The following DRC11 variants were observed in gnomAD, a reference collection of about 807,000 sequenced individuals.
DRC11 encodes dynein regulatory complex subunit 11.
At chr2:236,476,854 T>C in the DRC11 span, among the ~76,000 whole-genome samples, 3 of 152,296 alleles carry the variant, frequency 2.0e-5, no homozygotes, top group South Asian at 4.1e-4. This position sits in a 1 kb window ranked among gnomAD's most constrained non-coding sequence, Gnocchi z 4.7. Flanking sequence ...CACCTAGGTA[T>C]GAAGCCCCAC....
chr2:236,380,607 CTCTT>C, the DRC11 span: 11 of 1,551,458 alleles, frequency 7.1e-6, no homozygotes, highest in East Asian at 4.9e-5. This position sits in a 1 kb window ranked among gnomAD's most constrained non-coding sequence, Gnocchi z 4.9. Flanking sequence ...TTGCCTTCTT[CTCTT>C]TCTTTTTGCC....
the DRC11 span, among the ~76,000 whole-genome samples, chr2:236,478,775 CATT>C: frequency 6.7e-6 from 1 of 148,964 alleles, no homozygotes; most frequent in Non-Finnish European, 1.5e-5. This position sits in a 1 kb window ranked among gnomAD's most constrained non-coding sequence, Gnocchi z 5.9. Flanking sequence ...ACCCCTTTAT[CATT>C]ATATAGTAGC....
chr2:236,380,619 G>A, the DRC11 span: 16 of 1,550,758 alleles, frequency 1.0e-5, no homozygotes, highest in Middle Eastern at 3.3e-4. The surrounding 1 kb of genome is among the most constrained non-coding windows in gnomAD (Gnocchi z 4.9). Context: ...CTTTCTTTTT[G>A]CCTTTCTTTC....
chr2:236,378,871 T>G, the DRC11 span, among the ~76,000 whole-genome samples: 1 of 152,090 alleles, frequency 6.6e-6, no homozygotes. Context: ...ACCAGCTGCT[T>G]CTTCGGCAGC....
chr2:236,433,322 T>C, the DRC11 span, among the ~76,000 whole-genome samples: 5 of 152,176 alleles, frequency 3.3e-5, no homozygotes, highest in Non-Finnish European at 5.9e-5. Context: ...TTCATTTGGA[T>C]CATATTATGT....
At chr2:236,320,492 C>T in the DRC11 span, among the ~76,000 whole-genome samples, 1 of 152,164 alleles carries the variant, frequency 6.6e-6, no homozygotes, top group African/African-American at 2.4e-5. Context: ...GATTCTTCAG[C>T]ATCAGGGCCT....
chr2:236,432,121 T>C, the DRC11 span, among the ~76,000 whole-genome samples: 2 of 152,204 alleles, frequency 1.3e-5, no homozygotes, highest in Non-Finnish European at 2.9e-5. Flanking sequence ...TCCATCCTCA[T>C]GGGTGTGAAA....
the DRC11 span, among the ~76,000 whole-genome samples, chr2:236,435,731 A>G: frequency 6.6e-6 from 1 of 152,106 alleles, no homozygotes; most frequent in Non-Finnish European, 1.5e-5. Flanking sequence ...ACATGTGGGG[A>G]TTTGAGATGA....
the DRC11 span, chr2:236,324,597 G>T: frequency 1.3e-6 from 1 of 749,086 alleles, no homozygotes; most frequent in South Asian, 1.6e-5. The surrounding 1 kb of genome is among the most constrained non-coding windows in gnomAD (Gnocchi z 5.7). Context: ...TCTTTTCTTT[G>T]GCGAGTTGGG....
the DRC11 span, among the ~76,000 whole-genome samples, chr2:236,490,244 G>A: frequency 6.6e-6 from 1 of 152,340 alleles, no homozygotes. This position sits in a 1 kb window ranked among gnomAD's most constrained non-coding sequence, Gnocchi z 5.5. Context: ...TGGTGTTACT[G>A]TGACCACTTA....
the DRC11 span, among the ~76,000 whole-genome samples, chr2:236,364,181 T>C: frequency 6.6e-6 from 1 of 150,568 alleles, no homozygotes; most frequent in Non-Finnish European, 1.5e-5. Flanking sequence ...TCAGGGCTCG[T>C]GGTAGAGCCA....
At chr2:236,318,340 A>G in the DRC11 span, among the ~76,000 whole-genome samples, 1 of 152,224 alleles carries the variant, frequency 6.6e-6, no homozygotes, top group African/African-American at 2.4e-5. The surrounding 1 kb of genome is among the most constrained non-coding windows in gnomAD (Gnocchi z 7.0). Flanking sequence ...CCTGAGGCCC[A>G]GGGGTGTGCA....
the DRC11 span, chr2:236,507,271 T>C: frequency 6.2e-7 from 1 of 1,614,026 alleles, no homozygotes. Context: ...TCGACATTGC[T>C]GGCTACTTTC....
chr2:236,423,163 AC>A, the DRC11 span, among the ~76,000 whole-genome samples: 2 of 151,718 alleles, frequency 1.3e-5, no homozygotes, highest in African/African-American at 4.8e-5. Context: ...TGTCTAAAAC[AC>A]CAAAAGCAAT....
chr2:236,392,233 C>T, the DRC11 span: 19 of 1,546,364 alleles, frequency 1.2e-5, no homozygotes, highest in African/African-American at 5.4e-5. The surrounding 1 kb of genome is among the most constrained non-coding windows in gnomAD (Gnocchi z 5.1). Context: ...ACACCATAAA[C>T]GTAGCTGTAC....
At chr2:236,365,717 C>T in the DRC11 span, among the ~76,000 whole-genome samples, 2 of 152,050 alleles carry the variant, frequency 1.3e-5, no homozygotes, top group Non-Finnish European at 1.5e-5. This position sits in a 1 kb window ranked among gnomAD's most constrained non-coding sequence, Gnocchi z 7.4. Flanking sequence ...ACCAAGGTCA[C>T]CCAGAGAGGT....
the DRC11 span, among the ~76,000 whole-genome samples, chr2:236,402,130 C>T: frequency 4.6e-5 from 7 of 152,326 alleles, no homozygotes; most frequent in South Asian, 4.1e-4. The surrounding 1 kb of genome is among the most constrained non-coding windows in gnomAD (Gnocchi z 6.0). Context: ...GGGCTGGCAG[C>T]GGCTCTTGCT....
the DRC11 span, among the ~76,000 whole-genome samples, chr2:236,336,401 A>C: frequency 0.21 from 31,320 of 151,598 alleles, 3,458 homozygotes; most frequent in African/African-American, 0.29. The surrounding 1 kb of genome is among the most constrained non-coding windows in gnomAD (Gnocchi z 7.3). Context: ...CTGTATTACT[A>C]CCATTCATGC....
At chr2:236,419,350 GT>G in the DRC11 span, 3 of 1,479,788 alleles carry the variant, frequency 2.0e-6, no homozygotes, top group South Asian at 4.4e-5. The surrounding 1 kb of genome is among the most constrained non-coding windows in gnomAD (Gnocchi z 4.8). Flanking sequence ...CTGAAAGGAA[GT>G]TTTTGTGCTG....
Sources: gnomAD v4.1 joint callset for allele counts (sites outside exome capture counted in the v4.1 genomes callset) on GRCh38, gnomAD v4.1.1 for gene constraint, Gnocchi (gnomAD v3.1) non-coding constraint, MANE v1.5 for transcripts, NCBI Gene and HGNC (gene_info 2026-07-23, HGNC 2026-07-21) for gene names.